Variants in GLI2 observed in about 807,000 individuals in gnomAD.
GLI2 encodes the protein GLI family zinc finger 2, also known as transcription activator GLI2.
In GLI2, 22 loss-of-function variants were observed where a neutral mutation model predicts 78.9. That is an observed-to-expected ratio of 0.28 (90% confidence interval 0.20 to 0.40). The LOEUF (loss-of-function observed/expected upper bound fraction) is 0.40, where lower values mean the gene tolerates loss of function less well. Ranked by LOEUF, GLI2 falls within the 10% of genes least tolerant of loss-of-function variation. The probability of loss-of-function intolerance (pLI) is 1.00; values close to 1 mark genes in which losing one functional copy is unlikely to be tolerated. For synonymous variants in GLI2, 974 were observed against 963.7 expected (o/e 1.01, Z -0.20); for missense variants, 2,097 against 2,213.2 (o/e 0.95, Z 1.05).
intron 2 of GLI2, among the ~76,000 whole-genome samples, chr2:120,830,502 A>G (rs541649617): frequency 6.6e-5 from 10 of 152,366 alleles, no homozygotes; most frequent in Non-Finnish European, 1.3e-4. Context: ...ACACAGACAT[A>G]CACGGATGCC....
At chr2:120,782,411 G>GT (rs1297435461) in intron 1 of GLI2, among the ~76,000 whole-genome samples, 3 of 152,148 alleles carry the variant, frequency 2.0e-5, no homozygotes, top group East Asian at 1.9e-4. Flanking sequence ...AGTACTAGAT[G>GT]TTTTTTTGCC....
intron 2 of GLI2, among the ~76,000 whole-genome samples, chr2:120,846,258 G>C (rs1450035885): frequency 1.3e-5 from 2 of 152,190 alleles, no homozygotes; most frequent in Admixed American, 6.5e-5. Flanking sequence ...CTGGTCCCTG[G>C]CCCTTCCATG....
At chr2:120,878,897 C>T (rs1688896906) in intron 2 of GLI2, among the ~76,000 whole-genome samples, 1 of 151,796 alleles carries the variant, frequency 6.6e-6, no homozygotes, top group African/African-American at 2.4e-5. Flanking sequence ...CACTGCACTC[C>T]AGCCTGGGTG....
intron 5 of GLI2, 56 bp from the exon 6 acceptor site, chr2:120,968,658 C>T: frequency 8.3e-7 from 1 of 1,211,206 alleles, no homozygotes; most frequent in Non-Finnish European, 1.2e-6. Context: ...ACCCACATGT[C>T]ACCCCCTCCC....
At chr2:120,771,408 C>A (rs1683518168) in intron 1 of GLI2, among the ~76,000 whole-genome samples, 1 of 152,232 alleles carries the variant, frequency 6.6e-6, no homozygotes, top group South Asian at 2.1e-4. Flanking sequence ...TTGGCCTCCG[C>A]ATCTGTAAAA....
rs80095193 is a variant in GLI2 at position 120,870,067 on chromosome 2, A to G, written c.149-57294A>G. Among the ~76,000 whole-genome samples the G allele has an allele frequency of 1.4e-3, 210 of 152,350 alleles. 3 individuals are homozygous for G. In the East Asian group the frequency reaches 0.036, roughly 26 times the overall value. ...TTTTAAAGCAAAGTTTTTCAAAAGTATAAGAGGATTGAAGTGCAAAGCTAT... is the reference window on the plus strand; with the variant it reads ...TTTTAAAGCAAAGTTTTTCAAAAGTGTAAGAGGATTGAAGTGCAAAGCTAT... On this transcript the variant is annotated intron_variant, in intron 2 of 13. Transcript: ENST00000361492.
chr2:120,746,478 C>T (rs954465936), intron 1 of GLI2, among the ~76,000 whole-genome samples: 5 of 152,240 alleles, frequency 3.3e-5, no homozygotes, highest in African/African-American at 1.2e-4. Context: ...ACCCTCCTCC[C>T]CTGTGGGTGC....
At position 120,773,262 on chromosome 2, in the gene GLI2, G is replaced by A. The variant is rs996896216; in HGVS notation, c.-30-24029G>A. Among the ~76,000 whole-genome samples the A allele has an allele frequency of 4.6e-5, 7 of 152,276 alleles. No homozygotes were observed. In the South Asian group the frequency reaches 1.2e-3, roughly 27 times the overall value. ...GGGGAGAAAGAGCCAGTCTTAGAGC[G>A]TAGGCCTGTAGCATCCGGGCCCGGG... On this transcript the variant is annotated intron_variant, in intron 1 of 13. Coordinates refer to ENST00000361492, the MANE Select transcript of GLI2 (RefSeq NM_001374353.1).
chr2:120,918,373 C>G (rs1214292447), intron 2 of GLI2, among the ~76,000 whole-genome samples: 2 of 151,994 alleles, frequency 1.3e-5, no homozygotes, highest in Non-Finnish European at 2.9e-5. Flanking sequence ...GTCACATCTG[C>G]TCAGAGATGG....
chr2:120,894,418 T>C (rs1473228545), intron 2 of GLI2, among the ~76,000 whole-genome samples: 1 of 152,202 alleles, frequency 6.6e-6, no homozygotes, highest in Admixed American at 6.5e-5. Flanking sequence ...TGGGGGACTT[T>C]AGCCTTGAGT....
chr2:120,785,066 T>A (rs976330752), intron 1 of GLI2, among the ~76,000 whole-genome samples: 2 of 152,178 alleles, frequency 1.3e-5, no homozygotes, highest in Non-Finnish European at 2.9e-5. Context: ...CAAACCCTCC[T>A]GGCCTCCTTG....
chr2:120,916,159 G>A (rs2043015468), intron 2 of GLI2, among the ~76,000 whole-genome samples: 1 of 152,236 alleles, frequency 6.6e-6, no homozygotes, highest in Admixed American at 6.5e-5. Flanking sequence ...TCTGGCAACA[G>A]GGCCCAGCAA....
intron 1 of GLI2, among the ~76,000 whole-genome samples, chr2:120,792,811 C>G (rs1020268022): frequency 6.6e-6 from 1 of 152,076 alleles, no homozygotes; most frequent in Non-Finnish European, 1.5e-5. Context: ...TTAATAGAGA[C>G]GGCCTTTCAT....
chr2:120,811,473 G>T (rs539655105), intron 2 of GLI2, among the ~76,000 whole-genome samples: 2 of 152,204 alleles, frequency 1.3e-5, no homozygotes, highest in South Asian at 2.1e-4. Context: ...GGGTGGCATC[G>T]CTAAGGAGGG....
chr2:120,838,120 T>C (rs1362774474), intron 2 of GLI2, among the ~76,000 whole-genome samples: 1 of 152,252 alleles, frequency 6.6e-6, no homozygotes, highest in Non-Finnish European at 1.5e-5. Context: ...GATCACGGCC[T>C]TTCTCCCTAT....
intron 11 of GLI2, among the ~76,000 whole-genome samples, chr2:120,983,219 A>G (rs992060010): frequency 6.6e-6 from 1 of 152,140 alleles, no homozygotes; most frequent in African/African-American, 2.4e-5. Flanking sequence ...GAAGCAGGGA[A>G]GTGGCCCTTC....
chr2:120,971,055 GC>G (rs987445303), intron 7 of GLI2, among the ~76,000 whole-genome samples: 2 of 152,258 alleles, frequency 1.3e-5, no homozygotes, highest in African/African-American at 4.8e-5. Context: ...CATCCTAGGT[GC>G]CATTATTATT....
rs1229503107 is a variant in GLI2, at chr2:120,787,773, G to A, written c.-30-9518G>A. ...CCCTCTGCTGGGTCAGCGGTGCTGG[G>A]GGAGTGGTGTCAGGGAGAGACCCTG... On this transcript the variant is annotated intron_variant, in intron 1 of 13. Coordinates refer to ENST00000361492, the MANE Select transcript of GLI2 (RefSeq NM_001374353.1). 4.1e-4 allele frequency among the ~76,000 whole-genome samples: 63 copies of A among 152,252 alleles called. 1 individual carries two copies. Among genetic ancestry groups the A allele is most frequent in the Non-Finnish European group, 1.5e-5 (1 of 68,048 alleles).
chr2:120,913,472 A>C (rs1678935570), intron 2 of GLI2, among the ~76,000 whole-genome samples: 1 of 152,134 alleles, frequency 6.6e-6, no homozygotes, highest in Admixed American at 6.5e-5. Flanking sequence ...TTTTTTTTAA[A>C]TGTGGCTCCT....
Sources: allele counts gnomAD v4.1 joint callset (sites outside exome capture counted in the v4.1 genomes callset), GRCh38; gene constraint gnomAD v4.1.1; transcripts MANE v1.5; gene names NCBI Gene and HGNC (gene_info 2026-07-23, HGNC 2026-07-21).